Variants in ADAMTSL3 observed in about 807,000 individuals in gnomAD.
ADAMTSL3 encodes ADAMTS-like protein 3.
A neutral mutation model predicts 201.7 loss-of-function variants in ADAMTSL3; 128 were observed. The observed-to-expected ratio is 0.63, with a 90% CI of 0.55 to 0.73. The LOEUF is 0.73. ADAMTSL3 is among the 30% of genes least tolerant of loss of function. The pLI is 0.00. For missense variants in ADAMTSL3, 1,990 were observed against 2,119.6 expected (o/e 0.94, Z 1.20); for synonymous variants, 738 against 748.4 (o/e 0.99, Z 0.23).
At chr15:83,872,757 A>G (rs1448814812) in intron 9 of ADAMTSL3, among the ~76,000 whole-genome samples, 2 of 110,886 alleles carry the variant, frequency 1.8e-5, no homozygotes, top group African/African-American at 3.9e-5. Flanking sequence ...AAAGATTAGT[A>G]TTTCAAGATA....
intron 16 of ADAMTSL3, among the ~76,000 whole-genome samples, chr15:83,920,531 T>A (rs1255283105): frequency 1.3e-5 from 2 of 152,342 alleles, no homozygotes; most frequent in Non-Finnish European, 2.9e-5. Context: ...CTCTTTTTCA[T>A]TACTCGGGAC....
chr15:83,945,798 A>C (rs997599123), intron 19 of ADAMTSL3: 2 of 152,104 alleles, frequency 1.3e-5, no homozygotes, highest in Non-Finnish European at 2.9e-5. Context: ...GAGGAATCTC[A>C]AGTCCCACCC....
intron 16 of ADAMTSL3, among the ~76,000 whole-genome samples, chr15:83,922,818 A>G (rs2066171046): frequency 6.6e-6 from 1 of 152,242 alleles, no homozygotes; most frequent in Non-Finnish European, 1.5e-5. Flanking sequence ...GAAACATGGC[A>G]TTTGAAAAAA....
At chr15:83,893,046 A>C (rs1331139329) in intron 13 of ADAMTSL3, among the ~76,000 whole-genome samples, 158 bp downstream of exon 13, 1 of 152,174 alleles carries the variant, frequency 6.6e-6, no homozygotes, top group Non-Finnish European at 1.5e-5. Context: ...TTGGAGGACG[A>C]GGGAAGAAAG....
intron 3 of ADAMTSL3, among the ~76,000 whole-genome samples, chr15:83,750,741 G>A (rs1164313783): frequency 2.0e-5 from 3 of 152,028 alleles, no homozygotes; most frequent in East Asian, 1.9e-4. Flanking sequence ...TAGTAGAGAC[G>A]GGGTTTCACC....
intron 27 of ADAMTSL3, among the ~76,000 whole-genome samples, chr15:84,029,948 A>G (rs1462586539): frequency 6.6e-6 from 1 of 152,220 alleles, no homozygotes; most frequent in African/African-American, 2.4e-5. Flanking sequence ...CAGCTTACAC[A>G]TGGTGTTGGG....
intron 3 of ADAMTSL3, among the ~76,000 whole-genome samples, chr15:83,764,032 A>C (rs1037040042): frequency 6.6e-6 from 1 of 152,186 alleles, no homozygotes; most frequent in Non-Finnish European, 1.5e-5. Flanking sequence ...ATTTGCCACA[A>C]ATCATTTAAT....
chr15:83,942,346 C>G (rs1207476445), intron 17 of ADAMTSL3, among the ~76,000 whole-genome samples: 3 of 152,172 alleles, frequency 2.0e-5, no homozygotes, highest in Non-Finnish European at 2.9e-5. Context: ...GGGAACAGAT[C>G]TGCTGCTTTT....
intron 3 of ADAMTSL3, among the ~76,000 whole-genome samples, chr15:83,729,026 A>C (rs1346056075): frequency 1.3e-5 from 2 of 152,058 alleles, no homozygotes; most frequent in Admixed American, 1.3e-4. Context: ...TGGATATACT[A>C]TTCTAGGATA....
chr15:84,035,269 T>G (rs931324060), intron 28 of ADAMTSL3, among the ~76,000 whole-genome samples: 2 of 151,844 alleles, frequency 1.3e-5, no homozygotes, highest in African/African-American at 4.8e-5. Context: ...GCATGATTTA[T>G]GCAAAAAAGG....
At chr15:83,681,712 C>A (rs1214008615) in intron 2 of ADAMTSL3, among the ~76,000 whole-genome samples, 1 of 152,118 alleles carries the variant, frequency 6.6e-6, no homozygotes, top group African/African-American at 2.4e-5. Context: ...TGGATGTGGT[C>A]GACTTGCTTT....
chr15:83,922,531 C>T (rs937209633), intron 16 of ADAMTSL3, among the ~76,000 whole-genome samples: 7 of 152,286 alleles, frequency 4.6e-5, no homozygotes, highest in African/African-American at 1.4e-4. Flanking sequence ...TAAACCTCTA[C>T]AAGGTAACTA....
At position 83,826,288 on chromosome 15, in the gene ADAMTSL3, A is replaced by G. The variant is rs2064020013; in HGVS notation, c.600+6241A>G. 2.6e-5 allele frequency among the ~76,000 whole-genome samples: 4 copies of G among 151,708 alleles called. No homozygotes were observed. In the South Asian group the frequency reaches 8.4e-4, roughly 32 times the overall value. The stretch of plus-strand genomic sequence containing the variant: ...GTTCCACCATGCTAGGATAATTTTT[A>G]TTTTTTACATTTTTTGTAGAGATCA... On this transcript the variant is annotated intron_variant, in intron 6 of 29. Transcript: ENST00000286744.
chr15:83,815,700 C>T (rs548948862), intron 5 of ADAMTSL3, among the ~76,000 whole-genome samples: 2 of 152,316 alleles, frequency 1.3e-5, no homozygotes, highest in East Asian at 3.9e-4. Flanking sequence ...TGTAAGCAGT[C>T]AGCGTCCCCC....
At position 83,654,868 on chromosome 15, in the gene ADAMTSL3, A is replaced by G. The variant is rs933649725; in HGVS notation, c.-34+592A>G. 6.6e-6 allele frequency among the ~76,000 whole-genome samples: 1 copy of G among 152,116 alleles called. No individual in the cohort carries two copies. Among genetic ancestry groups the G allele is most frequent in the African/African-American group, 2.4e-5 (1 of 41,456 alleles). On this transcript the variant is annotated intron_variant, in intron 1 of 29. Coordinates refer to ENST00000286744, the MANE Select transcript of ADAMTSL3 (RefSeq NM_207517.3). This position sits in a 1 kb window ranked among gnomAD's most constrained non-coding sequence, Gnocchi z 5.3. ...CAGGAGTCGCCGCCTCAGGTCGGAA[A>G]CAGCAGCACATTTGCGGATCACATT... is the stretch of plus-strand genomic sequence containing the variant.
chr15:83,863,046 G>A (rs2064899818), intron 8 of ADAMTSL3: 1 of 152,144 alleles, frequency 6.6e-6, no homozygotes, highest in African/African-American at 2.4e-5. Context: ...GTGGTAAAGG[G>A]TTCAATTCAA....
intron 2 of ADAMTSL3, among the ~76,000 whole-genome samples, chr15:83,666,953 G>A (rs1388934484): frequency 6.6e-6 from 1 of 151,752 alleles, no homozygotes; most frequent in African/African-American, 2.4e-5. Flanking sequence ...CATATACAAA[G>A]AGTATTAATT....
At chr15:83,847,224 T>C (rs571254347) in intron 7 of ADAMTSL3, among the ~76,000 whole-genome samples, 1 of 152,328 alleles carries the variant, frequency 6.6e-6, no homozygotes, top group Non-Finnish European at 1.5e-5. Context: ...CTTCCTTCTT[T>C]TGTAAAAAAT....
At chr15:83,837,364 A>C (rs2064295122) in intron 6 of ADAMTSL3, among the ~76,000 whole-genome samples, 1 of 152,116 alleles carries the variant, frequency 6.6e-6, no homozygotes, top group South Asian at 2.1e-4. Context: ...TAAAACTATG[A>C]ACCAGAAGGT....
Sources: allele counts gnomAD v4.1 joint callset (sites outside exome capture counted in the v4.1 genomes callset), GRCh38; gene constraint gnomAD v4.1.1; non-coding constraint Gnocchi (gnomAD v3.1); transcripts MANE v1.5; gene names NCBI Gene and HGNC (gene_info 2026-07-23, HGNC 2026-07-21).